The following PDK3 variants were observed in gnomAD, a reference collection of about 807,000 sequenced individuals.
PDK3 encodes pyruvate dehydrogenase kinase 3.
PDK3 carries 12 observed loss-of-function variants against 32.0 expected under a neutral mutation model. The ratio of observed to expected loss-of-function variants is 0.37; its 90% confidence interval spans 0.24 to 0.61. The LOEUF is 0.61. PDK3 is among the 20% of genes least tolerant of loss of function. PDK3 has a pLI of 0.65. For synonymous variants in PDK3, 122 were observed against 116.3 expected, an observed-to-expected ratio of 1.05 and a Z score of -0.31; for missense variants, 188 against 316.9, an observed-to-expected ratio of 0.59 and a Z score of 3.09.
At chrX:24,496,845 G>A (rs1370387314) in intron 2 of PDK3, among the ~76,000 whole-genome samples, 1 of 93,006 alleles carries the variant, frequency 1.1e-5, no homozygotes, top group African/African-American at 4.1e-5. Context: ...GCAGTGGCGG[G>A]ATCTCAGCTC....
chrX:24,485,326 C>T (rs758806742), intron 1 of PDK3, among the ~76,000 whole-genome samples: 33 of 111,763 alleles, frequency 3.0e-4, no homozygotes, highest in Non-Finnish European at 4.9e-4. Flanking sequence ...CCAGCCTGGG[C>T]GACAGAGCAA....
rs1188703986 is a variant in PDK3 at position 24,531,687 on chromosome X, C to T, written c.994C>T (p.Arg332Cys). Residue 332 changes from arginine (R) to cysteine (C), a missense_variant, in exon 10 of 11, where the codon CGT (arginine) becomes TGT (cysteine). Transcript: ENST00000379162. ...AGFGYGLPIS[R>C]LYARYFQGDL... is the part of the protein sequence containing the mutation. The stretch of plus-strand genomic sequence containing the variant: ...ATTTGGTTATGGTTTGCCAATTTCC[C>T]GTCTGTATGCTAGATATTTTCAAGG... 5 of 1,198,397 alleles carry T rather than the reference C, an allele frequency of 4.2e-6. No homozygotes were observed. The highest frequency in any genetic ancestry group is 2.3e-6 in the Non-Finnish European group (2 of 884,745).
At chrX:24,515,802 T>C (rs780958345) in intron 5 of PDK3, among the ~76,000 whole-genome samples, 102 of 111,711 alleles carry the variant, frequency 9.1e-4, no homozygotes, top group East Asian at 3.9e-3. Context: ...ATTTTTAACT[T>C]TTTTTTCAGG....
At chrX:24,505,403 A>T in intron 5 of PDK3, 105 bp downstream of exon 5, 1 of 518,598 alleles carries the variant, frequency 1.9e-6, no homozygotes. Flanking sequence ...CTGCTGATTC[A>T]TCAGGTCACT....
downstream of PDK3, among the ~76,000 whole-genome samples, chrX:24,536,367 TG>T (rs2148205274): frequency 9.0e-6 from 1 of 111,514 alleles, no homozygotes; most frequent in Admixed American, 9.5e-5. Flanking sequence ...TATAAAAGAA[TG>T]TTTTTTTTTT....
At chrX:24,503,299 G>A in intron 3 of PDK3, 28 bp from the exon 4 acceptor site, 19 of 1,151,596 alleles carry the variant, frequency 1.6e-5, no homozygotes, top group Non-Finnish European at 2.2e-5. Context: ...TATTAAGACT[G>A]ACCACGTTTT....
chrX:24,481,805 AC>A (rs1186849830), intron 1 of PDK3, among the ~76,000 whole-genome samples: 2 of 111,029 alleles, frequency 1.8e-5, no homozygotes, highest in Non-Finnish European at 3.8e-5. Flanking sequence ...AGTCAATTAA[AC>A]CTCTTTCCTT....
At chrX:24,516,626 G>C (rs1173299749) in intron 5 of PDK3, among the ~76,000 whole-genome samples, 1 of 111,617 alleles carries the variant, frequency 9.0e-6, no homozygotes, top group Admixed American at 9.6e-5. Flanking sequence ...AAAAAGTCCA[G>C]AATAGCAAAT....
At chrX:24,512,538 T>C (rs1034757256) in intron 5 of PDK3, among the ~76,000 whole-genome samples, 2 of 111,769 alleles carry the variant, frequency 1.8e-5, no homozygotes, top group Non-Finnish European at 3.8e-5. Context: ...AAGCACTTTA[T>C]AGTTGGAGCT....
chrX:24,510,439 G>A lies in PDK3; in HGVS notation c.595+5141G>A, dbSNP rs1012140256. Among the ~76,000 whole-genome samples the A allele has an allele frequency of 1.1e-4, 12 of 112,457 alleles. 1 individual carries two copies. The East Asian group carries it at 3.3e-3, about 31-fold the overall frequency. On this transcript the variant is annotated intron_variant, in intron 5 of 10. Coordinates refer to ENST00000379162, the MANE Select transcript of PDK3 (RefSeq NM_005391.5). The stretch of plus-strand genomic sequence containing the variant: ...ATAATAAAAGTGCTCATCGAAGAAA[G>A]TTTAGAAAATATGGGAAAAGAGAGA...
chrX:24,471,885 A>G (rs1920994060), intron 1 of PDK3, among the ~76,000 whole-genome samples: 1 of 111,929 alleles, frequency 8.9e-6, no homozygotes, highest in Non-Finnish European at 1.9e-5. Context: ...TCTTGTTTAC[A>G]TTTCCTGGGA....
Position 24,481,392 on chromosome X carries a change from T to A in PDK3, c.107-13350T>A, listed in dbSNP as rs139218065. ...TTACTCCTAGCACTGCTCTCCAGAGTTTTCTTAGAATTTATATTAGTAGGC... is the reference window on the plus strand; with the variant it reads ...TTACTCCTAGCACTGCTCTCCAGAGATTTCTTAGAATTTATATTAGTAGGC... On this transcript the variant is annotated intron_variant, in intron 1 of 10. Transcript: ENST00000379162. Among the ~76,000 whole-genome samples, 119 of 111,828 alleles carry A rather than the reference T, an allele frequency of 1.1e-3. 1 individual carries two copies. The East Asian group carries it at 0.03, about 28-fold the overall frequency.
chrX:24,530,430 GTTATA>G (rs1276053079), intron 9 of PDK3, among the ~76,000 whole-genome samples: 1 of 111,734 alleles, frequency 8.9e-6, no homozygotes, highest in Non-Finnish European at 1.9e-5. Flanking sequence ...TTTTATACTT[GTTATA>G]TTATTTAATC....
intron 3 of PDK3, 93 bp downstream of exon 3, chrX:24,498,993 G>A (rs1921785870): frequency 4.1e-6 from 2 of 485,238 alleles, no homozygotes; most frequent in African/African-American, 2.5e-5. Context: ...CAAGGAGTAT[G>A]AATGTGGACA....
intron 5 of PDK3, among the ~76,000 whole-genome samples, chrX:24,510,808 G>A (rs1922099433): frequency 8.9e-6 from 1 of 111,882 alleles, no homozygotes; most frequent in Non-Finnish European, 1.9e-5. Context: ...GTGGGGGATT[G>A]GCCTTACATC....
intron 5 of PDK3, 97 bp downstream of exon 5, chrX:24,505,395 G>T: frequency 1.2e-5 from 7 of 564,937 alleles, no homozygotes; most frequent in Non-Finnish European, 2.0e-5. Context: ...AGTGCAGTCT[G>T]CTGATTCATC....
At chrX:24,472,511 T>C (rs752082876) in intron 1 of PDK3, among the ~76,000 whole-genome samples, 1 of 111,248 alleles carries the variant, frequency 9.0e-6, no homozygotes, top group Non-Finnish European at 1.9e-5. Flanking sequence ...AATATAAAAA[T>C]AGTAAAATAT....
intron 1 of PDK3, among the ~76,000 whole-genome samples, chrX:24,478,282 T>C (rs768059556): frequency 1.0e-4 from 11 of 108,894 alleles, no homozygotes; most frequent in African/African-American, 3.7e-4. Flanking sequence ...CCATATCTAC[T>C]AAAAAAAAAT....
At chrX:24,466,349 A>G (rs1372807030) in intron 1 of PDK3, among the ~76,000 whole-genome samples, 1 of 112,053 alleles carries the variant, frequency 8.9e-6, no homozygotes, top group East Asian at 2.8e-4. Flanking sequence ...TAACTGAATC[A>G]TGTTTCCCCA....
Sources: gnomAD v4.1 joint callset for allele counts (sites outside exome capture counted in the v4.1 genomes callset) on GRCh38, gnomAD v4.1.1 for gene constraint, MANE v1.5 for transcripts, NCBI Gene and HGNC (gene_info 2026-07-23, HGNC 2026-07-21) for gene names.